The following P4HA2 variants were observed in gnomAD, a reference collection of about 807,000 sequenced individuals.
P4HA2 encodes the protein prolyl 4-hydroxylase subunit alpha-2.
P4HA2 carries 46 observed loss-of-function variants against 76.9 expected under a neutral mutation model. That is an observed-to-expected ratio of 0.60 (90% confidence interval 0.47 to 0.76). The LOEUF is 0.76. Among genes scored for constraint, P4HA2 ranks in the 30% least tolerant of loss-of-function variants. The probability of loss-of-function intolerance (pLI) is 0.00; values close to 1 mark genes in which losing one functional copy is unlikely to be tolerated. For synonymous variants in P4HA2, 243 were observed against 254.0 expected, an observed-to-expected ratio of 0.96 and a Z score of 0.41; for missense variants, 583 against 669.4, an observed-to-expected ratio of 0.87 and a Z score of 1.42.
At chr5:132,216,630 C>T (rs1292749181) in intron 4 of P4HA2, among the ~76,000 whole-genome samples, 2 of 152,170 alleles carry the variant, frequency 1.3e-5, no homozygotes, top group Admixed American at 6.5e-5. Context: ...AACAGATATG[C>T]TTTGTTTGTA....
At chr5:132,217,646 A>G in intron 3 of P4HA2, 106 bp downstream of exon 3, 1 of 791,550 alleles carries the variant, frequency 1.3e-6, no homozygotes, top group South Asian at 1.4e-5. Context: ...GCCCCACATC[A>G]CCCTCTCAAA....
chr5:132,213,586 A>G (rs1040267318), intron 5 of P4HA2, among the ~76,000 whole-genome samples: 4 of 152,174 alleles, frequency 2.6e-5, no homozygotes, highest in African/African-American at 4.8e-5. Context: ...AGATGAAAAG[A>G]CATTGGAGGG....
At chr5:132,193,314 A>G in intron 14 of P4HA2, 1 of 433,118 alleles carries the variant, frequency 2.3e-6, no homozygotes, top group South Asian at 4.1e-5. Flanking sequence ...TGCCATGGGA[A>G]TAGCACCCAA....
chr5:132,221,147 A>G (rs1754603038), intron 1 of P4HA2, among the ~76,000 whole-genome samples: 1 of 152,242 alleles, frequency 6.6e-6, no homozygotes, highest in African/African-American at 2.4e-5. Context: ...CTATGCCCAC[A>G]GCTTGCTTAA....
rs1749957006 is a variant in P4HA2 at position 132,191,957 on chromosome 5, A to G, written c.*1053T>C. 6.6e-6 allele frequency: 1 copy of G among 152,270 alleles called. No homozygotes were observed. The highest frequency in any genetic ancestry group is 2.1e-4 in the South Asian group (1 of 4,836). 9.4% of individuals were successfully genotyped at this position (152,270 alleles called of 1,614,324 possible). ...TAAAACAAATTACAGCTACACAAGC[A>G]ACACGGATGAATCTTAAAACAATGT... On this transcript the variant is annotated 3_prime_UTR_variant, in exon 15 of 15. Coordinates refer to ENST00000360568, the MANE Select transcript of P4HA2 (RefSeq NM_001017974.2).
At chr5:132,211,053 T>C (rs1753016618) in intron 5 of P4HA2, among the ~76,000 whole-genome samples, 1 of 152,074 alleles carries the variant, frequency 6.6e-6, no homozygotes. Context: ...TGAATAACCC[T>C]GAGAATGAAC....
intron 1 of P4HA2, among the ~76,000 whole-genome samples, chr5:132,223,922 A>G (rs556429372): frequency 2.0e-4 from 31 of 152,362 alleles, no homozygotes; most frequent in African/African-American, 6.3e-4. Context: ...CTGTTACCTT[A>G]AAGTGCAATG....
At chr5:132,224,324 C>T (rs946510540) in intron 1 of P4HA2, among the ~76,000 whole-genome samples, 16 of 152,196 alleles carry the variant, frequency 1.1e-4, no homozygotes, top group African/African-American at 3.4e-4. Flanking sequence ...ATAATAGAGA[C>T]AATACTAGGA....
chr5:132,215,388 T>C (rs1189749026), intron 4 of P4HA2, among the ~76,000 whole-genome samples: 3 of 152,196 alleles, frequency 2.0e-5, no homozygotes, highest in Admixed American at 1.3e-4. Context: ...GAGAACAAGA[T>C]TGGAGAGAGG....
rs973306651 is a variant in P4HA2 at position 132,191,493 on chromosome 5, C to G, written c.*1517G>C. Among the ~76,000 whole-genome samples the G allele has an allele frequency of 4.0e-4, 48 of 120,424 alleles. No homozygotes were observed. In the East Asian group the frequency reaches 0.011, roughly 29 times the overall value. The allele number at this position is 120,424 out of a possible 152,430, so 79.0% of individuals were successfully genotyped here. On this transcript the variant is annotated 3_prime_UTR_variant, in exon 15 of 15. Coordinates refer to ENST00000360568, the MANE Select transcript of P4HA2 (RefSeq NM_001017974.2). ...CGCCACTGCACTCCAGCCTGGGCGA[C>G]AGAGCGAGACTCCGTCTCAAAAAAA...
chr5:132,192,963 G>A lies in P4HA2; in HGVS notation c.*47C>T, dbSNP rs201413375. ...AGGAACATACAAAGGTGTCTGTCACGTTGACATGGGCTGAAGGACCAGGAA... is the reference window on the plus strand; with the variant it reads ...AGGAACATACAAAGGTGTCTGTCACATTGACATGGGCTGAAGGACCAGGAA... On this transcript the variant is annotated 3_prime_UTR_variant, in exon 15 of 15. Transcript: ENST00000360568. The A allele has an allele frequency of 2.6e-5, 32 of 1,221,494 alleles. No individual in the cohort carries two copies. Among genetic ancestry groups the A allele is most frequent in the Non-Finnish European group, 3.4e-5 (28 of 821,628 alleles). 75.7% of individuals were successfully genotyped at this position (1,221,494 alleles called of 1,614,324 possible). A position where few individuals can be genotyped will look rare whatever the true frequency, so the allele number is the denominator to read the frequency against.
chr5:132,204,872 C>A (rs1429234415), intron 8 of P4HA2, among the ~76,000 whole-genome samples: 1 of 152,258 alleles, frequency 6.6e-6, no homozygotes, highest in African/African-American at 2.4e-5. Context: ...CTCCCCCAGC[C>A]TCCACAGTTA....
At chr5:132,218,458 A>T in intron 2 of P4HA2, 87 bp downstream of exon 2, 1 of 895,324 alleles carries the variant, frequency 1.1e-6, no homozygotes. Flanking sequence ...AGGCTATCCC[A>T]CTCTAAATGA....
At chr5:132,200,317 A>T (rs1185731605) in intron 10 of P4HA2, 1 of 152,376 alleles carries the variant, frequency 6.6e-6, no homozygotes, top group Non-Finnish European at 1.5e-5. Context: ...GTCTACAAAA[A>T]TAAAAATTTT....
At chr5:132,222,950 C>T (rs1754838490) in intron 1 of P4HA2, among the ~76,000 whole-genome samples, 1 of 152,210 alleles carries the variant, frequency 6.6e-6, no homozygotes, top group African/African-American at 2.4e-5. Flanking sequence ...GACTAACCCA[C>T]AAAAGGGAAC....
intron 1 of P4HA2, among the ~76,000 whole-genome samples, chr5:132,225,765 T>C (rs1755305651): frequency 6.6e-6 from 1 of 152,194 alleles, no homozygotes. Flanking sequence ...AAGCACTGTC[T>C]AGAGTACCCC....
intron 8 of P4HA2, 46 bp from the exon 9 acceptor site, chr5:132,204,198 G>T: frequency 1.4e-6 from 2 of 1,450,002 alleles, no homozygotes; most frequent in Non-Finnish European, 1.9e-6. Context: ...TTGTTTGTTT[G>T]TTTTGCCTTG....
intron 5 of P4HA2, among the ~76,000 whole-genome samples, chr5:132,210,918 A>C (rs534686145): frequency 1.9e-4 from 29 of 152,346 alleles, no homozygotes; most frequent in South Asian, 6.2e-4. Flanking sequence ...AATATAAAAA[A>C]CATAAATTTA....
In P4HA2 at chr5:132,213,415, ACT is replaced by A. The variant is rs1580718414; in HGVS notation, c.469+499_469+500del. On this transcript the variant is annotated intron_variant, in intron 5 of 14. Transcript: ENST00000360568. ...TGAATCAGCAGCAAAGACTCGAAAGACTCTCAGATACCGAGGGAGGCAAGTGT... is the reference window on the plus strand; with the variant it reads ...TGAATCAGCAGCAAAGACTCGAAAGACTCAGATACCGAGGGAGGCAAGTGT... 3.3e-5 allele frequency among the ~76,000 whole-genome samples: 5 copies of A among 152,078 alleles called. No individual in the cohort carries two copies. In the South Asian group the frequency reaches 1.0e-3, roughly 31 times the overall value.
Sources: allele counts gnomAD v4.1 joint callset (sites outside exome capture counted in the v4.1 genomes callset), GRCh38; gene constraint gnomAD v4.1.1; transcripts MANE v1.5; gene names NCBI Gene and HGNC (gene_info 2026-07-23, HGNC 2026-07-21).